Variants in NTRK3 observed in about 807,000 individuals in gnomAD.
NTRK3 encodes NT-3 growth factor receptor.
NTRK3 carries 24 observed loss-of-function variants against 91.7 expected under a neutral mutation model. That is an observed-to-expected ratio of 0.26 (90% confidence interval 0.19 to 0.37). The LOEUF is 0.37. NTRK3 is among the 10% of genes least tolerant of loss of function. The pLI is 1.00. For synonymous variants in NTRK3, 483 were observed against 404.0 expected, an observed-to-expected ratio of 1.20 and a Z score of -2.34; for missense variants, 880 against 1,068.9, an observed-to-expected ratio of 0.82 and a Z score of 2.46.
chr15:88,151,038 G>T (rs991565328), intron 5 of NTRK3, among the ~76,000 whole-genome samples: 2 of 152,018 alleles, frequency 1.3e-5, no homozygotes, highest in Admixed American at 6.5e-5. Context: ...TGAGCCCCAC[G>T]GCAGCCTTTT....
chr15:88,123,287 C>T (rs1402207605), intron 13 of NTRK3, among the ~76,000 whole-genome samples: 3 of 152,136 alleles, frequency 2.0e-5, no homozygotes, highest in Non-Finnish European at 4.4e-5. Flanking sequence ...AGTAACTTTG[C>T]TGAAGCCAAT....
At chr15:88,155,961 T>A (rs1443387036) in intron 5 of NTRK3, among the ~76,000 whole-genome samples, 1 of 152,200 alleles carries the variant, frequency 6.6e-6, no homozygotes, top group Non-Finnish European at 1.5e-5. Flanking sequence ...TTGATAGCCA[T>A]GAGTGGCCAA....
chr15:88,145,198 A>G (rs1165822330), intron 6 of NTRK3, among the ~76,000 whole-genome samples: 2 of 152,214 alleles, frequency 1.3e-5, no homozygotes, highest in African/African-American at 4.8e-5. Flanking sequence ...TCCATTTGCC[A>G]GGAACTGGGA....
intron 13 of NTRK3, among the ~76,000 whole-genome samples, chr15:88,089,657 T>G (rs1359343740): frequency 6.6e-6 from 1 of 152,184 alleles, no homozygotes; most frequent in Non-Finnish European, 1.5e-5. Flanking sequence ...TCCCCTTGCA[T>G]GGACACAGCC....
intron 13 of NTRK3, among the ~76,000 whole-genome samples, chr15:88,051,348 T>C (rs1206880869): frequency 6.6e-6 from 1 of 152,228 alleles, no homozygotes; most frequent in Non-Finnish European, 1.5e-5. Flanking sequence ...TGTAGATTCG[T>C]GCAGCTCTTC....
chr15:88,012,005 T>C (rs1320977739), intron 14 of NTRK3, among the ~76,000 whole-genome samples: 6 of 152,178 alleles, frequency 3.9e-5, no homozygotes, highest in Admixed American at 3.9e-4. Flanking sequence ...TCCCACCTTA[T>C]GACAGACACA....
chr15:87,865,539 C>G (rs2064645060), exon 19 of NTRK3: 1 of 216,734 alleles, frequency 4.6e-6, no homozygotes. Flanking sequence ...TTCCCATGTA[C>G]AAATGCTGGT....
intron 14 of NTRK3, among the ~76,000 whole-genome samples, chr15:87,943,997 T>G (rs1244518627): frequency 6.6e-6 from 1 of 152,192 alleles, no homozygotes; most frequent in Non-Finnish European, 1.5e-5. Context: ...GTGGAAATAC[T>G]CAGGTGCTCA....
intron 14 of NTRK3, among the ~76,000 whole-genome samples, chr15:88,028,029 A>T (rs988450623): frequency 6.6e-6 from 1 of 152,158 alleles, no homozygotes. Context: ...GTGGAAGGAA[A>T]GGAGAGGGAG....
exon 19 of NTRK3, chr15:87,865,632 G>A: frequency 4.6e-6 from 1 of 218,636 alleles, no homozygotes; most frequent in Non-Finnish European, 9.2e-6. Flanking sequence ...CAAATTTATA[G>A]AGAAAGTTTC....
chr15:88,206,859 T>C (rs1267542585), intron 3 of NTRK3, among the ~76,000 whole-genome samples: 1 of 152,116 alleles, frequency 6.6e-6, no homozygotes, highest in Non-Finnish European at 1.5e-5. Flanking sequence ...CGCAGGGCCT[T>C]TGTTAGTGTC....
chr15:87,860,119 A>G (rs1169966784), exon 19 of NTRK3: 2 of 216,334 alleles, frequency 9.2e-6, no homozygotes, highest in Admixed American at 5.8e-5. Flanking sequence ...TATTAGTGTC[A>G]TGGTGTTAAA....
chr15:88,038,815 T>G (rs1038321324), intron 13 of NTRK3, among the ~76,000 whole-genome samples: 2 of 151,630 alleles, frequency 1.3e-5, no homozygotes, highest in African/African-American at 4.8e-5. Flanking sequence ...TGTGCCAGGT[T>G]GAGAACCACT....
At chr15:88,015,472 C>T (rs888577914) in intron 14 of NTRK3, among the ~76,000 whole-genome samples, 2 of 152,056 alleles carry the variant, frequency 1.3e-5, no homozygotes, top group Non-Finnish European at 2.9e-5. Context: ...CTCTGCCAGT[C>T]CAAGTTTCCC....
intron 13 of NTRK3, among the ~76,000 whole-genome samples, chr15:88,061,123 C>G (rs1257976542): frequency 3.3e-5 from 5 of 152,136 alleles, no homozygotes; most frequent in Non-Finnish European, 7.4e-5. Context: ...GCTTTCAAAT[C>G]TGGCATCAGG....
At chr15:88,134,135 C>T (rs2041650527) in intron 10 of NTRK3, among the ~76,000 whole-genome samples, 2 of 152,152 alleles carry the variant, frequency 1.3e-5, no homozygotes, top group African/African-American at 2.4e-5. Flanking sequence ...ACACTGTATC[C>T]CATTAGAACT....
intron 17 of NTRK3, among the ~76,000 whole-genome samples, chr15:87,890,832 T>C (rs1003659404): frequency 6.6e-6 from 1 of 152,166 alleles, no homozygotes. Context: ...CTGGATCCTT[T>C]TGGAGGGCAA....
intron 14 of NTRK3, chr15:87,978,893 A>T: frequency 3.6e-6 from 1 of 278,828 alleles, no homozygotes; most frequent in Non-Finnish European, 6.8e-6. Context: ...GAGGTCACTA[A>T]GAGGACAGCA....
At chr15:87,876,751 C>T in exon 19 of NTRK3, 1 of 511,880 alleles carries the variant, frequency 2.0e-6, no homozygotes, top group Non-Finnish European at 3.5e-6. Flanking sequence ...GCCAAACTGC[C>T]TTACAGGGTT....
Sources: gnomAD v4.1 joint callset for allele counts (sites outside exome capture counted in the v4.1 genomes callset) on GRCh38, gnomAD v4.1.1 for gene constraint, MANE v1.5 for transcripts, NCBI Gene and HGNC (gene_info 2026-07-23, HGNC 2026-07-21) for gene names.